DAB1: variants seen among roughly 807,000 people sequenced by gnomAD.
The protein encoded by DAB1 is disabled homolog 1.
Under a neutral mutation model 64.6 loss-of-function variants are expected in DAB1, and 15 were observed. The ratio of observed to expected loss-of-function variants is 0.23; its 90% CI spans 0.16 to 0.36. The LOEUF is 0.36. Ranked by LOEUF, DAB1 falls within the 10% of genes least tolerant of loss-of-function variation. DAB1 has a pLI of 1.00. For missense variants in DAB1, 596 were observed against 706.7 expected (o/e 0.84, Z 1.78); for synonymous variants, 235 against 251.9 (o/e 0.93, Z 0.64).
intron 5 of DAB1, among the ~76,000 whole-genome samples, chr1:58,030,535 T>G (rs557798944): frequency 2.6e-5 from 4 of 152,322 alleles, no homozygotes; most frequent in African/African-American, 9.6e-5. Context: ...CACTGATCTG[T>G]AAAAATATCA....
intron 5 of DAB1, among the ~76,000 whole-genome samples, chr1:57,934,715 T>A (rs1277963602): frequency 6.6e-6 from 1 of 152,314 alleles, no homozygotes; most frequent in South Asian, 2.1e-4. Context: ...TCATTCTAAC[T>A]CTGAGGCTCG....
At chr1:57,135,302 T>C (rs1657987419) in intron 4 of DAB1, among the ~76,000 whole-genome samples, 2 of 152,220 alleles carry the variant, frequency 1.3e-5, no homozygotes, top group Non-Finnish European at 2.9e-5. Flanking sequence ...TTCTACTTTC[T>C]GTCTTTATGA....
intron 4 of DAB1, among the ~76,000 whole-genome samples, chr1:57,102,244 T>C: frequency 6.6e-6 from 1 of 152,314 alleles, no homozygotes; most frequent in East Asian, 1.9e-4. Flanking sequence ...CTCTGAGCCA[T>C]CACAAACAAT....
At chr1:57,464,593 G>A (rs1686895144) in intron 7 of DAB1, among the ~76,000 whole-genome samples, 1 of 152,072 alleles carries the variant, frequency 6.6e-6, no homozygotes, top group Admixed American at 6.6e-5. Flanking sequence ...CAAAGAGCTT[G>A]GCACACAGAA....
chr1:57,468,899 G>A (rs1357951088), intron 7 of DAB1, among the ~76,000 whole-genome samples: 1 of 152,152 alleles, frequency 6.6e-6, no homozygotes, highest in Non-Finnish European at 1.5e-5. Context: ...TGATCACTGT[G>A]CTATGGTGTA....
chr1:57,476,729 T>A (rs955099351), intron 7 of DAB1, among the ~76,000 whole-genome samples: 2 of 152,174 alleles, frequency 1.3e-5, no homozygotes, highest in Non-Finnish European at 2.9e-5. Flanking sequence ...AGCAGTTAAT[T>A]GCAACATGGT....
intron 2 of DAB1, among the ~76,000 whole-genome samples, chr1:57,248,711 C>T (rs1277596926): frequency 6.6e-6 from 1 of 152,196 alleles, no homozygotes; most frequent in Non-Finnish European, 1.5e-5. Flanking sequence ...TGCTATTCCT[C>T]AGAATAATGA....
At position 57,071,416 on chromosome 1, in the gene DAB1, C is replaced by T. The variant is rs181714389; in HGVS notation, c.558+106G>A. 3.1e-4 allele frequency: 410 copies of T among 1,334,086 alleles called. 3 individuals are homozygous for T. In the African/African-American group the frequency reaches 4.8e-3, roughly 16 times the overall value. The allele number at this position is 1,334,086 out of a possible 1,614,324, so 82.6% of individuals were successfully genotyped here. ...AATTTACACAGGAATCTTTCATCTT[C>T]GTTTATTTCTACTTGGCAGCAGGAA... is the stretch of plus-strand genomic sequence containing the variant. On this transcript the variant is annotated intron_variant, in intron 6 of 14. Coordinates refer to ENST00000371236, the MANE Select transcript of DAB1 (RefSeq NM_001365792.1).
At chr1:57,996,503 C>T (rs1646427442) in intron 5 of DAB1, among the ~76,000 whole-genome samples, 1 of 152,116 alleles carries the variant, frequency 6.6e-6, no homozygotes, top group South Asian at 2.1e-4. Flanking sequence ...AATTCACGTT[C>T]TTTATCTTTT....
intron 6 of DAB1, among the ~76,000 whole-genome samples, chr1:57,768,117 C>T (rs3131742): frequency 0.58 from 84,874 of 146,472 alleles, 24,360 homozygotes; most frequent in East Asian, 0.65. Flanking sequence ...ACCGAGGTTG[C>T]AGTGAGCCAA....
At chr1:58,233,216 G>A (rs1325624438) in intron 4 of DAB1, among the ~76,000 whole-genome samples, 1 of 152,172 alleles carries the variant, frequency 6.6e-6, no homozygotes, top group Non-Finnish European at 1.5e-5. Flanking sequence ...AATGTAGAGA[G>A]GAGGAGGAGA....
At chr1:58,451,592 T>C (rs1232315459) in intron 3 of DAB1, among the ~76,000 whole-genome samples, 1 of 152,208 alleles carries the variant, frequency 6.6e-6, no homozygotes, top group African/African-American at 2.4e-5. Flanking sequence ...GGGTGAAGGA[T>C]ACATGAGAAC....
chr1:57,505,495 G>A (rs1644333510), intron 7 of DAB1, among the ~76,000 whole-genome samples: 1 of 152,172 alleles, frequency 6.6e-6, no homozygotes, highest in Non-Finnish European at 1.5e-5. Flanking sequence ...GAGGAGGTGA[G>A]GTAGTGAGAG....
At chr1:57,105,850 A>G (rs569033274) in intron 4 of DAB1, among the ~76,000 whole-genome samples, 1 of 152,234 alleles carries the variant, frequency 6.6e-6, no homozygotes, top group East Asian at 1.9e-4. Context: ...TTTAGGGCAT[A>G]CATGGGGTTT....
intron 3 of DAB1, among the ~76,000 whole-genome samples, chr1:58,365,063 G>A (rs1481453450): frequency 6.6e-6 from 1 of 152,158 alleles, no homozygotes; most frequent in East Asian, 1.9e-4. Context: ...TCGTTGCGTA[G>A]AAGTTACCCA....
chr1:58,374,545 G>A (rs1360037015), intron 3 of DAB1, among the ~76,000 whole-genome samples: 1 of 150,072 alleles, frequency 6.7e-6, no homozygotes, highest in African/African-American at 2.5e-5. Context: ...CTATATCTCT[G>A]TTTTGGTACC....
At chr1:57,738,750 G>C (rs1647819105) in intron 6 of DAB1, among the ~76,000 whole-genome samples, 1 of 152,176 alleles carries the variant, frequency 6.6e-6, no homozygotes, top group African/African-American at 2.4e-5. Flanking sequence ...TATTTTAACT[G>C]CCTTATTTCT....
chr1:58,531,538 T>C (rs1646433464), intron 1 of DAB1, among the ~76,000 whole-genome samples: 1 of 152,180 alleles, frequency 6.6e-6, no homozygotes, highest in Admixed American at 6.5e-5. Context: ...CTGAAACTGA[T>C]AAAATAGCAG....
At chr1:57,034,484 C>T (rs1647072155) in intron 9 of DAB1, among the ~76,000 whole-genome samples, 1 of 152,110 alleles carries the variant, frequency 6.6e-6, no homozygotes, top group Admixed American at 6.5e-5. Flanking sequence ...AGAGGGTCTC[C>T]CCCTGCAGCT....
Sources: allele counts gnomAD v4.1 joint callset (sites outside exome capture counted in the v4.1 genomes callset), GRCh38; gene constraint gnomAD v4.1.1; transcripts MANE v1.5; gene names NCBI Gene and HGNC (gene_info 2026-07-23, HGNC 2026-07-21).